Variants in GLIS3 observed in about 807,000 individuals in gnomAD.
GLIS3 encodes zinc finger protein GLIS3.
Under a neutral mutation model 78.6 loss-of-function variants are expected in GLIS3, and 53 were observed. That is an observed-to-expected ratio of 0.67 (90% CI 0.54 to 0.85). The LOEUF (loss-of-function observed/expected upper bound fraction) is 0.85. Among genes scored for constraint, GLIS3 ranks in the 40% least tolerant of loss-of-function variants. GLIS3 has a pLI of 0.00. For synonymous variants in GLIS3, 684 were observed against 509.9 expected (o/e 1.34, Z -4.60); for missense variants, 1,703 against 1,231.1 (o/e 1.38, Z -5.74).
At chr9:4,032,011 C>A (rs562855993) in intron 4 of GLIS3, among the ~76,000 whole-genome samples, 1 of 152,234 alleles carries the variant, frequency 6.6e-6, no homozygotes, top group East Asian at 1.9e-4. Flanking sequence ...CAAAGGAGCC[C>A]AGGAGGTCCT....
chr9:4,180,189 A>C (rs1210387758), intron 2 of GLIS3, among the ~76,000 whole-genome samples: 1 of 152,134 alleles, frequency 6.6e-6, no homozygotes, highest in Non-Finnish European at 1.5e-5. Context: ...TCCATGCACA[A>C]GGAGAGGAGA....
chr9:3,958,649 G>T (rs1014313741), intron 4 of GLIS3, among the ~76,000 whole-genome samples: 4 of 152,152 alleles, frequency 2.6e-5, no homozygotes, highest in African/African-American at 9.7e-5. Flanking sequence ...AGATGATTGG[G>T]ATAGAGTCCT....
At chr9:4,221,014 T>C (rs989814050) in intron 2 of GLIS3, among the ~76,000 whole-genome samples, 1 of 152,090 alleles carries the variant, frequency 6.6e-6, no homozygotes, top group African/African-American at 2.4e-5. Context: ...TAAGTGTTTC[T>C]CTGGGTTGGA....
chr9:4,181,262 A>G (rs1214927850), intron 2 of GLIS3, among the ~76,000 whole-genome samples: 2 of 152,242 alleles, frequency 1.3e-5, no homozygotes, highest in Non-Finnish European at 2.9e-5. Flanking sequence ...GACCATGGAC[A>G]GCACTCGCCT....
At chr9:4,446,209 G>C in the GLIS3 span, among the ~76,000 whole-genome samples, 1 of 152,034 alleles carries the variant, frequency 6.6e-6, no homozygotes, top group Non-Finnish European at 1.5e-5. Flanking sequence ...GTGGTCTTTG[G>C]GTAAATAATT....
At chr9:3,976,279 C>T (rs534460675) in intron 4 of GLIS3, among the ~76,000 whole-genome samples, 1 of 152,176 alleles carries the variant, frequency 6.6e-6, no homozygotes, top group East Asian at 1.9e-4. Flanking sequence ...ACCTTCCATA[C>T]ATCTTTAAAA....
chr9:4,076,978 G>T (rs991812591), intron 4 of GLIS3, among the ~76,000 whole-genome samples: 1 of 152,188 alleles, frequency 6.6e-6, no homozygotes, highest in Non-Finnish European at 1.5e-5. Flanking sequence ...AGGATGGCTT[G>T]AGCCAGGGAG....
chr9:4,269,053 C>T (rs1022273573), intron 2 of GLIS3, among the ~76,000 whole-genome samples: 7 of 152,184 alleles, frequency 4.6e-5, no homozygotes, highest in Non-Finnish European at 7.3e-5. Context: ...GCTAACATAC[C>T]ATCACATAGA....
At chr9:4,050,660 A>G (rs1588542612) in intron 4 of GLIS3, among the ~76,000 whole-genome samples, 1 of 152,192 alleles carries the variant, frequency 6.6e-6, no homozygotes, top group South Asian at 2.1e-4. Flanking sequence ...TGGAGTATAT[A>G]TCTCTGTACA....
chr9:4,458,281 G>A, the GLIS3 span, among the ~76,000 whole-genome samples: 1 of 152,190 alleles, frequency 6.6e-6, no homozygotes, highest in Admixed American at 6.5e-5. Context: ...TGCATGGCAT[G>A]CATTGTTCTA....
the GLIS3 span, among the ~76,000 whole-genome samples, chr9:4,417,696 T>C: frequency 0.018 from 2,787 of 152,254 alleles, 90 homozygotes; most frequent in African/African-American, 0.063. Context: ...AATTTTGTTG[T>C]CCTCAAAAAG....
At chr9:3,897,453 A>C (rs1211993916) in intron 7 of GLIS3, among the ~76,000 whole-genome samples, 4 of 152,020 alleles carry the variant, frequency 2.6e-5, no homozygotes, top group Admixed American at 6.6e-5. Context: ...ATATATATTT[A>C]ATACAAAATA....
the GLIS3 span, among the ~76,000 whole-genome samples, chr9:4,367,912 T>C: frequency 6.6e-6 from 1 of 152,212 alleles, no homozygotes; most frequent in East Asian, 1.9e-4. Context: ...AATTTTATAG[T>C]GAGGAAAGTT....
chr9:4,338,362 G>C (rs145564451), intron 2 of GLIS3, among the ~76,000 whole-genome samples: 3 of 139,072 alleles, frequency 2.2e-5, no homozygotes, highest in Middle Eastern at 3.7e-3. Context: ...TATTATATAT[G>C]TGTGTACACA....
At chr9:4,351,738 C>G (rs375641137), upstream of GLIS3, among the ~76,000 whole-genome samples, 18 of 152,136 alleles carry the variant, frequency 1.2e-4, no homozygotes, top group African/African-American at 3.9e-4. Flanking sequence ...CTCTCTGTCA[C>G]TTACTGATGG....
At chr9:3,869,223 T>C (rs1368782301) in intron 8 of GLIS3, among the ~76,000 whole-genome samples, 2 of 151,734 alleles carry the variant, frequency 1.3e-5, no homozygotes, top group Non-Finnish European at 2.9e-5. Context: ...ATATGACTAT[T>C]ACACATATAC....
intron 2 of GLIS3, among the ~76,000 whole-genome samples, chr9:4,218,425 C>G (rs898013086): frequency 1.3e-5 from 2 of 152,146 alleles, no homozygotes; most frequent in Admixed American, 6.5e-5. Flanking sequence ...ACTACAGGCA[C>G]CCGCCACCAC....
At chr9:4,391,151 C>T in the GLIS3 span, among the ~76,000 whole-genome samples, 10 of 152,146 alleles carry the variant, frequency 6.6e-5, no homozygotes, top group African/African-American at 2.2e-4. Context: ...ATTCTGCTGC[C>T]TCTGGCTTTA....
chr9:4,407,927 A>G, the GLIS3 span, among the ~76,000 whole-genome samples: 3 of 152,186 alleles, frequency 2.0e-5, no homozygotes, highest in Non-Finnish European at 2.9e-5. Context: ...GGAAAAAAAA[A>G]TCTAATAATC....
Sources: allele counts gnomAD v4.1 joint callset (sites outside exome capture counted in the v4.1 genomes callset), GRCh38; gene constraint gnomAD v4.1.1; transcripts MANE v1.5; gene names NCBI Gene and HGNC (gene_info 2026-07-23, HGNC 2026-07-21).